The following POU6F2 variants were observed in gnomAD, a reference collection of about 807,000 sequenced individuals.
POU6F2 encodes the protein POU domain, class 6, transcription factor 2.
Under a neutral mutation model 71.3 loss-of-function variants are expected in POU6F2, and 31 were observed. The ratio of observed to expected loss-of-function variants is 0.43; its 90% CI spans 0.33 to 0.59. The LOEUF is 0.59. Ranked by LOEUF, POU6F2 falls within the 20% of genes least tolerant of loss-of-function variation. The probability of loss-of-function intolerance (pLI) is 0.04; values close to 1 mark genes in which losing one functional copy is unlikely to be tolerated. For synonymous variants in POU6F2, 347 were observed against 355.7 expected (o/e 0.98, Z 0.27); for missense variants, 783 against 856.8 (o/e 0.91, Z 1.07).
chr7:39,362,510 C>A (rs1419701745), intron 5 of POU6F2, among the ~76,000 whole-genome samples: 10 of 152,072 alleles, frequency 6.6e-5, no homozygotes, highest in Admixed American at 6.6e-4. Flanking sequence ...GAACTTTTTT[C>A]AGTTTCCTGA....
In POU6F2 at chr7:39,347,852, G is replaced by A. The variant is rs186066157; in HGVS notation, c.972+7837G>A. ...TTGCCATGTTGCCCAGGCTGGTCTCGAACTCCTGGGCTCAAGTGATCCACC... is the reference window on the plus strand; with the variant it reads ...TTGCCATGTTGCCCAGGCTGGTCTCAAACTCCTGGGCTCAAGTGATCCACC... On this transcript the variant is annotated intron_variant, in intron 5 of 9. Transcript: ENST00000518318. Among the ~76,000 whole-genome samples, 787 of 142,566 alleles carry A rather than the reference G, an allele frequency of 5.5e-3. 76 individuals carry two copies. Among genetic ancestry groups the A allele is most frequent in the African/African-American group, 0.018 (702 of 39,972 alleles). The allele number at this position is 142,566 out of a possible 152,430, so 93.5% of individuals were successfully genotyped here.
chr7:39,319,126 G>A (rs901455698), intron 4 of POU6F2, among the ~76,000 whole-genome samples: 1 of 152,094 alleles, frequency 6.6e-6, no homozygotes, highest in Non-Finnish European at 1.5e-5. Flanking sequence ...GGGAGACCCT[G>A]CCTCATAAAA....
intron 7 of POU6F2, among the ~76,000 whole-genome samples, chr7:39,450,059 C>G (rs1788622214): frequency 6.6e-6 from 1 of 152,166 alleles, no homozygotes; most frequent in Non-Finnish European, 1.5e-5. Context: ...TTTGACAAAA[C>G]TCATCAAACT....
At chr7:39,243,010 G>T (rs1362452027) in intron 4 of POU6F2, among the ~76,000 whole-genome samples, 2 of 152,084 alleles carry the variant, frequency 1.3e-5, no homozygotes. Context: ...CCTCATAGAA[G>T]TACCTCCATT....
At chr7:39,353,768 T>G (rs1212077570) in intron 5 of POU6F2, among the ~76,000 whole-genome samples, 1 of 152,230 alleles carries the variant, frequency 6.6e-6, no homozygotes, top group Non-Finnish European at 1.5e-5. Context: ...GCTGCAGGTC[T>G]TCACACTTGA....
intron 1 of POU6F2, among the ~76,000 whole-genome samples, chr7:38,983,983 C>T (rs1788396482): frequency 6.6e-6 from 1 of 151,990 alleles, no homozygotes; most frequent in Non-Finnish European, 1.5e-5. Flanking sequence ...ATTCTTTCTT[C>T]AAAAGACAGA....
intron 4 of POU6F2, among the ~76,000 whole-genome samples, chr7:39,261,470 C>G (rs1389055217): frequency 6.6e-6 from 1 of 152,200 alleles, no homozygotes; most frequent in Admixed American, 6.5e-5. Flanking sequence ...GCTTTTCTGG[C>G]TCTCACTTTT....
At chr7:39,101,982 C>T (rs188570600) in intron 2 of POU6F2, among the ~76,000 whole-genome samples, 1 of 152,136 alleles carries the variant, frequency 6.6e-6, no homozygotes, top group Admixed American at 6.5e-5. Context: ...TTTACACTAT[C>T]TTTTGGAAGG....
chr7:39,192,065 T>G (rs917941568), intron 2 of POU6F2, among the ~76,000 whole-genome samples: 2 of 152,228 alleles, frequency 1.3e-5, no homozygotes, highest in Non-Finnish European at 2.9e-5. Flanking sequence ...AATTTGCTTG[T>G]AGTGAGTTGT....
chr7:39,368,123 C>T (rs1033026470), intron 5 of POU6F2, among the ~76,000 whole-genome samples: 2 of 152,078 alleles, frequency 1.3e-5, no homozygotes, highest in Non-Finnish European at 2.9e-5. Context: ...CTTTTTAAAT[C>T]GAAAGCTAGA....
At chr7:39,103,325 G>A (rs1791614280) in intron 2 of POU6F2, among the ~76,000 whole-genome samples, 1 of 152,184 alleles carries the variant, frequency 6.6e-6, no homozygotes, top group African/African-American at 2.4e-5. Context: ...ACACTGGGTG[G>A]ACAATATGTA....
At chr7:39,252,807 C>CCACT (rs1432278145) in intron 4 of POU6F2, among the ~76,000 whole-genome samples, 4 of 152,152 alleles carry the variant, frequency 2.6e-5, no homozygotes, top group Admixed American at 2.6e-4. Context: ...ACTCCTTGAA[C>CCACT]CACTATGTAG....
chr7:39,244,460 G>A (rs11766769), intron 4 of POU6F2, among the ~76,000 whole-genome samples: 2 of 152,144 alleles, frequency 1.3e-5, no homozygotes, highest in Admixed American at 1.3e-4. Flanking sequence ...GCAGGAATAA[G>A]AATATTTATG....
chr7:39,036,161 G>A (rs1485140029), intron 1 of POU6F2, among the ~76,000 whole-genome samples: 3 of 152,074 alleles, frequency 2.0e-5, no homozygotes, highest in Non-Finnish European at 4.4e-5. Context: ...TTTATGTAGG[G>A]CCCAGATGTA....
intron 2 of POU6F2, among the ~76,000 whole-genome samples, chr7:39,096,797 G>T (rs1791463843): frequency 6.6e-6 from 1 of 152,308 alleles, no homozygotes; most frequent in East Asian, 1.9e-4. Context: ...AAGCCGAAAT[G>T]GTTTGTTTTA....
chr7:39,426,448 T>A (rs776483883), intron 6 of POU6F2, among the ~76,000 whole-genome samples: 1 of 152,170 alleles, frequency 6.6e-6, no homozygotes, highest in Non-Finnish European at 1.5e-5. Context: ...TTTTAAATCA[T>A]TCAGACCCAT....
intron 4 of POU6F2, among the ~76,000 whole-genome samples, chr7:39,281,947 A>G (rs1784571158): frequency 6.6e-6 from 1 of 152,026 alleles, no homozygotes; most frequent in African/African-American, 2.4e-5. Context: ...CCCTTTCTCC[A>G]CATGATCATG....
intron 7 of POU6F2, 135 bp from the exon 8 acceptor site, chr7:39,451,398 G>C: frequency 1.1e-6 from 1 of 913,228 alleles, no homozygotes; most frequent in Non-Finnish European, 1.6e-6. Flanking sequence ...CTGCTGTGTA[G>C]GGTGCGCACT....
chr7:39,002,087 C>G (rs1274904074), intron 1 of POU6F2: 1 of 152,134 alleles, frequency 6.6e-6, no homozygotes, highest in Non-Finnish European at 1.5e-5. Context: ...AAATAACAGA[C>G]AGGATGATAT....
Sources: gnomAD v4.1 joint callset for allele counts (sites outside exome capture counted in the v4.1 genomes callset) on GRCh38, gnomAD v4.1.1 for gene constraint, MANE v1.5 for transcripts, NCBI Gene and HGNC (gene_info 2026-07-23, HGNC 2026-07-21) for gene names.